Variants in ERC1 observed in about 807,000 individuals in gnomAD.
The protein encoded by ERC1 is ELKS/RAB6-interacting/CAST family member 1.
In ERC1, 56 loss-of-function variants were observed where a neutral mutation model predicts 132.0. The observed-to-expected ratio is 0.42, with a 90% CI of 0.34 to 0.53. The LOEUF is 0.53. Ranked by LOEUF, ERC1 falls within the 20% of genes least tolerant of loss-of-function variation. ERC1 has a pLI of 0.03. For missense variants in ERC1, 1,202 were observed against 1,349.9 expected, an observed-to-expected ratio of 0.89 and a Z score of 1.72; for synonymous variants, 478 against 476.1, an observed-to-expected ratio of 1.00 and a Z score of -0.05.
At chr12:1,075,920 G>A (rs1565916224) in intron 2 of ERC1, among the ~76,000 whole-genome samples, 1 of 152,130 alleles carries the variant, frequency 6.6e-6, no homozygotes, top group East Asian at 1.9e-4. Flanking sequence ...TGTGTCAGCA[G>A]ACCCTCAAAG....
At position 1,053,275 on chromosome 12, in the gene ERC1, C is replaced by T. The variant is rs2023942; in HGVS notation, c.669+24703C>T. Among the ~76,000 whole-genome samples the T allele has an allele frequency of 2.5e-4, 38 of 152,306 alleles. 1 individual carries two copies. Among genetic ancestry groups the T allele is most frequent in the African/African-American group, 8.7e-4 (36 of 41,556 alleles). On this transcript the variant is annotated intron_variant, in intron 2 of 18. Transcript: ENST00000360905. The stretch of plus-strand genomic sequence containing the variant: ...GCAAACATTGAGTTTACATTCAGGA[C>T]TGTCAACTTGACTATGGAACAATTC...
intron 18 of ERC1, among the ~76,000 whole-genome samples, chr12:1,461,962 T>C (rs1157821680): frequency 1.3e-5 from 2 of 152,164 alleles, no homozygotes; most frequent in African/African-American, 4.8e-5. Context: ...CATGACAAAG[T>C]ACTTGTATTG....
chr12:1,127,006 A>C (rs1006498358), intron 7 of ERC1, among the ~76,000 whole-genome samples: 1 of 149,754 alleles, frequency 6.7e-6, no homozygotes, highest in African/African-American at 2.5e-5. Flanking sequence ...AAAAAAAAAA[A>C]AAAAAAACCT....
chr12:1,011,927 A>G lies in ERC1; in HGVS notation c.-156-15821A>G, dbSNP rs1304591906. ...ACCCCACTGCACTCCAGCATGGGTGACAGAGTGAGACTCTGAAAAAAAAAA... is the reference window on the plus strand; with the variant it reads ...ACCCCACTGCACTCCAGCATGGGTGGCAGAGTGAGACTCTGAAAAAAAAAA... On this transcript the variant is annotated intron_variant, in intron 1 of 18. Transcript: ENST00000360905. Among the ~76,000 whole-genome samples, 3 of 151,826 alleles carry G rather than the reference A, an allele frequency of 2.0e-5. 1 individual carries two copies. The highest frequency in any genetic ancestry group is 7.3e-5 in the African/African-American group (3 of 41,368).
At chr12:1,015,111 C>T (rs530220207) in intron 1 of ERC1, among the ~76,000 whole-genome samples, 6 of 151,654 alleles carry the variant, frequency 4.0e-5, no homozygotes, top group African/African-American at 1.5e-4. Flanking sequence ...CTCTGTTGCC[C>T]AGGCTGGAGT....
intron 1 of ERC1, among the ~76,000 whole-genome samples, chr12:1,026,212 T>G (rs1855649801): frequency 6.6e-6 from 1 of 152,134 alleles, no homozygotes; most frequent in Non-Finnish European, 1.5e-5. Context: ...AGAGAACTTG[T>G]GCAGGGGAAC....
intron 17 of ERC1, among the ~76,000 whole-genome samples, chr12:1,442,490 TAGAGAG>T (rs947216328): frequency 6.6e-6 from 1 of 151,810 alleles, no homozygotes; most frequent in East Asian, 1.9e-4. Flanking sequence ...CGTTTATCCT[TAGAGAG>T]AGAGAGAGAA....
chr12:1,379,894 G>A (rs1309578044), intron 16 of ERC1, among the ~76,000 whole-genome samples: 1 of 152,160 alleles, frequency 6.6e-6, no homozygotes, highest in South Asian at 2.1e-4. Context: ...AATACCTGGA[G>A]ACAGAGATCC....
chr12:1,362,501 G>A (rs1057106285), intron 15 of ERC1, among the ~76,000 whole-genome samples: 1 of 152,006 alleles, frequency 6.6e-6, no homozygotes, highest in African/African-American at 2.4e-5. Context: ...CTGGAAAAGA[G>A]GACTCGAGGA....
chr12:1,303,348 C>A (rs895327315), intron 15 of ERC1, among the ~76,000 whole-genome samples: 11 of 152,146 alleles, frequency 7.2e-5, no homozygotes, highest in African/African-American at 2.7e-4. Context: ...CTTGATGCTG[C>A]TTTACCGGCC....
At chr12:1,313,779 G>A (rs992534049) in intron 15 of ERC1, among the ~76,000 whole-genome samples, 1 of 152,060 alleles carries the variant, frequency 6.6e-6, no homozygotes, top group Non-Finnish European at 1.5e-5. Context: ...GAGGTCGGGA[G>A]TTCGAGACCA....
intron 15 of ERC1, among the ~76,000 whole-genome samples, chr12:1,300,020 C>G (rs1180150021): frequency 2.6e-5 from 4 of 152,022 alleles, no homozygotes; most frequent in Non-Finnish European, 5.9e-5. Flanking sequence ...AAATCCTAAG[C>G]AAAAAGAACA....
intron 8 of ERC1, among the ~76,000 whole-genome samples, chr12:1,179,125 G>A (rs537736947): frequency 6.6e-5 from 10 of 152,054 alleles, no homozygotes; most frequent in African/African-American, 2.4e-4. Flanking sequence ...ATAACATGCC[G>A]CTTGCTGTAC....
intron 16 of ERC1, among the ~76,000 whole-genome samples, chr12:1,399,689 A>G (rs2090853120): frequency 1.3e-5 from 2 of 152,164 alleles, no homozygotes; most frequent in Non-Finnish European, 2.9e-5. Context: ...CATGTTTTCA[A>G]GGTTCATTGA....
At chr12:1,426,055 A>G (rs7960461) in intron 17 of ERC1, among the ~76,000 whole-genome samples, 35,582 of 151,764 alleles carry the variant, frequency 0.23, 6,838 homozygotes, top group African/African-American at 0.53. Flanking sequence ...ATGTACTTCT[A>G]TATAGCTTTT....
chr12:1,405,951 TATACACAC>T (rs1452966568), intron 16 of ERC1, among the ~76,000 whole-genome samples: 1 of 152,194 alleles, frequency 6.6e-6, no homozygotes, highest in East Asian at 1.9e-4. Flanking sequence ...CATATGTATA[TATACACAC>T]ATATACACGT....
intron 15 of ERC1, among the ~76,000 whole-genome samples, chr12:1,344,032 G>A (rs1024840993): frequency 5.9e-5 from 9 of 151,976 alleles, no homozygotes; most frequent in East Asian, 1.9e-4. Context: ...TAGTAGAGAC[G>A]GGGTTTCACC....
At chr12:1,316,092 G>A (rs1359822561) in intron 15 of ERC1, among the ~76,000 whole-genome samples, 2 of 152,126 alleles carry the variant, frequency 1.3e-5, no homozygotes, top group Non-Finnish European at 2.9e-5. Flanking sequence ...GTTTCACCGT[G>A]TTAGGCAGAT....
chr12:1,484,670 C>T lies in ERC1; in HGVS notation c.3214-5423C>T, dbSNP rs191045417. Among the ~76,000 whole-genome samples, 833 of 151,644 alleles carry T rather than the reference C, an allele frequency of 5.5e-3. 2 individuals carry two copies. Among genetic ancestry groups the T allele is most frequent in the Non-Finnish European group, 9.4e-3 (640 of 67,874 alleles). On this transcript the variant is annotated intron_variant, in intron 18 of 18. Coordinates refer to ENST00000360905, the MANE Select transcript of ERC1 (RefSeq NM_178040.4). ...TCGGCTCACTGTAAGCTCCGCCTCC[C>T]GGGCTCAAGCAATTCTCCTGCCTCA...
Sources: allele counts gnomAD v4.1 joint callset (sites outside exome capture counted in the v4.1 genomes callset), GRCh38; gene constraint gnomAD v4.1.1; transcripts MANE v1.5; gene names NCBI Gene and HGNC (gene_info 2026-07-23, HGNC 2026-07-21).